TBL3: variants seen among roughly 807,000 people sequenced by gnomAD.
TBL3 encodes transducin beta like 3.
Under a neutral mutation model 102.7 loss-of-function variants are expected in TBL3, and 71 were observed. The observed-to-expected ratio is 0.69, with a 90% CI of 0.57 to 0.84. TBL3 has a LOEUF of 0.84. Ranked by LOEUF, TBL3 falls within the 40% of genes least tolerant of loss-of-function variation. The pLI is 0.00. For synonymous variants in TBL3, 578 were observed against 477.7 expected (o/e 1.21, Z -2.74); for missense variants, 1,188 against 1,098.5 (o/e 1.08, Z -1.15).
chr16:1,979,887 C>T lies in TBL3; in HGVS notation c.*1202C>T, dbSNP rs770928987. On this transcript the variant is annotated 3_prime_UTR_variant, in exon 22 of 22. Coordinates refer to ENST00000568546, the MANE Select transcript of TBL3 (RefSeq NM_006453.3). ...ACCAGGCGGTCTGCCGGTCTTCGTTCTCCACCAGCCACCAGCCTGTGCGCA... is the reference window on the plus strand; with the variant it reads ...ACCAGGCGGTCTGCCGGTCTTCGTTTTCCACCAGCCACCAGCCTGTGCGCA... The T allele has an allele frequency of 3.2e-6, 5 of 1,583,154 alleles. No homozygotes were observed. In the African/African-American group the frequency reaches 4.0e-5, roughly 13 times the overall value.
At chr16:1,977,479 G>A in intron 16 of TBL3, 35 bp from the exon 17 acceptor site, 1 of 1,608,760 alleles carries the variant, frequency 6.2e-7, no homozygotes. Context: ...GGGGGGACCT[G>A]CCTGACGCTG....
chr16:1,976,047 ACAT>A lies in TBL3; in HGVS notation c.1130-7_1130-5del, dbSNP rs2083398974. 1.2e-6 allele frequency: 2 copies of A among 1,613,990 alleles called. No homozygotes were observed. The highest frequency in any genetic ancestry group is 2.7e-5 in the African/African-American group (2 of 74,922). On this transcript the variant is annotated splice_region_variant and splice_polypyrimidine_tract_variant and intron_variant, in intron 11 of 21. Transcript: ENST00000568546. The stretch of plus-strand genomic sequence containing the variant: ...GCTGTGTGACCTATACCTCCCCACA[ACAT>A]CTCAGATATCGTCCTGGCCCTGGAT...
Position 1,980,373 on chromosome 16 carries a change from G to C in TBL3, c.*1688G>C, listed in dbSNP as rs769078332. On this transcript the variant is annotated 3_prime_UTR_variant, in exon 22 of 22. Transcript: ENST00000568546. ...TTTGGGGCGAGTCAGGCACCTGCCG[G>C]GTGGCAGCGCGGGCTCCAGGTCCAG... The C allele has an allele frequency of 1.9e-6, 3 of 1,600,642 alleles. No homozygotes were observed. The highest frequency in any genetic ancestry group is 3.3e-5 in the Admixed American group (2 of 59,784).
In TBL3 at chr16:1,977,366, G is replaced by A. The variant is rs771923182; in HGVS notation, c.1682G>A (p.Gly561Glu). Residue 561 changes from glycine to glutamate, a missense_variant, in exon 16 of 22, where the codon GGG becomes GAG. Coordinates refer to ENST00000568546, the MANE Select transcript of TBL3 (RefSeq NM_006453.3). ...QDFSCLKTFE[G>E]HDASVLKVAF... ...CCCCCCACCTTGCAGACATTTGAGG[G>A]GCACGATGCTTCTGTGCTGAAGGTG... is the stretch of plus-strand genomic sequence containing the variant. 3.7e-6 allele frequency: 6 copies of A among 1,613,464 alleles called. No individual in the cohort carries two copies. The Admixed American group carries it at 6.7e-5, about 18-fold the overall frequency.
intron 14 of TBL3, 23 bp downstream of exon 14, chr16:1,976,984 G>A: frequency 1.2e-6 from 2 of 1,613,572 alleles, no homozygotes; most frequent in Non-Finnish European, 1.7e-6. Flanking sequence ...CCACTGGGGT[G>A]GGGGTGTGGC....
Position 1,979,521 on chromosome 16 carries a change from C to T in TBL3, c.*836C>T, listed in dbSNP as rs201565784. The T allele has an allele frequency of 2.8e-4, 451 of 1,611,240 alleles. 1 individual carries two copies. The highest frequency in any genetic ancestry group is 3.6e-4 in the East Asian group (16 of 44,836). On this transcript the variant is annotated 3_prime_UTR_variant, in exon 22 of 22. Coordinates refer to ENST00000568546, the MANE Select transcript of TBL3 (RefSeq NM_006453.3). Reference sequence around the variant, plus strand: ...ATCTGCGCGGCTGCTCTCGTAGGCGCGGGAAGCACAGAACTGGGGACCTGG... The same window carrying T: ...ATCTGCGCGGCTGCTCTCGTAGGCGTGGGAAGCACAGAACTGGGGACCTGG...
Position 1,979,537 on chromosome 16 carries a change from G to A in TBL3, c.*852G>A, listed in dbSNP as rs199563940. ...TCGTAGGCGCGGGAAGCACAGAACT[G>A]GGGACCTGGTGGGAGTGGGTGTTTG... On this transcript the variant is annotated 3_prime_UTR_variant, in exon 22 of 22. Transcript: ENST00000568546. 1.9e-4 allele frequency: 298 copies of A among 1,609,342 alleles called. No individual in the cohort carries two copies. The highest frequency in any genetic ancestry group is 2.3e-4 in the Non-Finnish European group (274 of 1,177,858).
Position 1,981,543 on chromosome 16 carries a change from G to A in TBL3, c.*2858G>A. 3.1e-6 allele frequency: 1 copy of A among 318,270 alleles called. No individual in the cohort carries two copies. The allele number at this position is 318,270 out of a possible 1,614,324, so 19.7% of individuals were successfully genotyped here. A position where few individuals can be genotyped will look rare whatever the true frequency, so the allele number is the denominator to read the frequency against. On this transcript the variant is annotated 3_prime_UTR_variant, in exon 22 of 22. Coordinates refer to ENST00000568546, the MANE Select transcript of TBL3 (RefSeq NM_006453.3). ...CTGCCTCTGGCCACAGGAGGAGGGA[G>A]GAGAAGGCAGGGCTAATCAAAGCGC...
rs1426025710 is a variant in TBL3, at chr16:1,982,200, C to A, written c.*3515C>A. ...GCCTCTAAGGCATCCCTCCAGGAAG[C>A]TGCCCTGGCTGCAACAAAGGGCCTT... On this transcript the variant is annotated 3_prime_UTR_variant, in exon 22 of 22. Coordinates refer to ENST00000568546, the MANE Select transcript of TBL3 (RefSeq NM_006453.3). 6.6e-6 allele frequency: 1 copy of A among 152,218 alleles called. No homozygotes were observed. The highest frequency in any genetic ancestry group is 1.5e-5 in the Non-Finnish European group (1 of 68,070). The allele number at this position is 152,218 out of a possible 1,614,324, so 9.4% of individuals were successfully genotyped here.
intron 18 of TBL3, 24 bp from the exon 19 acceptor site, chr16:1,977,933 GT>G: frequency 6.3e-7 from 1 of 1,590,326 alleles, no homozygotes; most frequent in South Asian, 1.1e-5. Context: ...GCGGCCCTCA[GT>G]GGCCTCTCCT....
chr16:1,976,570 G>A (rs576941884), intron 13 of TBL3, among the ~76,000 whole-genome samples: 1 of 152,344 alleles, frequency 6.6e-6, no homozygotes, highest in South Asian at 2.1e-4. Flanking sequence ...AGGCCCAGGT[G>A]GAGAGGTGAC....
chr16:1,979,828 C>A lies in TBL3; in HGVS notation c.*1143C>A. 1 of 1,570,470 alleles carries A rather than the reference C, an allele frequency of 6.4e-7. No individual in the cohort carries two copies. Among genetic ancestry groups the A allele is most frequent in the East Asian group, 2.4e-5 (1 of 42,196 alleles). ...GGACGGGCCTCCCTCCCGGCCTTGG[C>A]CCGGGGCCGCCTCCTCCAGGTAGGG... On this transcript the variant is annotated 3_prime_UTR_variant, in exon 22 of 22. Transcript: ENST00000568546.
Position 1,981,561 on chromosome 16 carries a change from C to A in TBL3, c.*2876C>A, listed in dbSNP as rs2083511093. Reference sequence around the variant, plus strand: ...GGAGGGAGGAGAAGGCAGGGCTAATCAAAGCGCCACCTGTCCTGCCCACCT... The same window carrying A: ...GGAGGGAGGAGAAGGCAGGGCTAATAAAAGCGCCACCTGTCCTGCCCACCT... On this transcript the variant is annotated 3_prime_UTR_variant, in exon 22 of 22. Transcript: ENST00000568546. 3.6e-6 allele frequency: 1 copy of A among 278,634 alleles called. No individual in the cohort carries two copies. Among genetic ancestry groups the A allele is most frequent in the South Asian group, 5.3e-5 (1 of 19,044 alleles). The allele number at this position is 278,634 out of a possible 1,614,324, so 17.3% of individuals were successfully genotyped here.
chr16:1,972,334 G>A (rs541387650), intron 1 of TBL3, 129 bp downstream of exon 1: 2 of 1,044,748 alleles, frequency 1.9e-6, no homozygotes, highest in South Asian at 3.0e-5. Context: ...CCGGCCCGCG[G>A]GGTCGCGGAG....
rs1197101193 is a variant in TBL3 at position 1,978,840 on chromosome 16, C to T, written c.*155C>T. The T allele has an allele frequency of 1.7e-6, 2 of 1,183,814 alleles. No homozygotes were observed. The highest frequency in any genetic ancestry group is 2.4e-6 in the Non-Finnish European group (2 of 849,472). 73.3% of individuals were successfully genotyped at this position (1,183,814 alleles called of 1,614,324 possible). ...AGAAGGGCACTGGAGCTGATGGTCT[C>T]GGCCCTGCCACGCCCATCCCGCACC... On this transcript the variant is annotated 3_prime_UTR_variant, in exon 22 of 22. Transcript: ENST00000568546.
In TBL3 at chr16:1,976,103, A is replaced by G; in HGVS notation, c.1177A>G (p.Ser393Gly). The G allele has an allele frequency of 6.2e-7, 1 of 1,614,144 alleles. No homozygotes were observed. The highest frequency in any genetic ancestry group is 8.5e-7 in the Non-Finnish European group (1 of 1,180,030). ...DVFRKGWLFA[S>G]CAKDQSVRIW... is the part of the protein sequence containing the mutation. Reference sequence around the variant, plus strand: ...GTTCCGGAAGGGGTGGCTCTTTGCCAGCTGTGCCAAGGTGAGGCACCCTGA... The same window carrying G: ...GTTCCGGAAGGGGTGGCTCTTTGCCGGCTGTGCCAAGGTGAGGCACCCTGA... The change falls in exon 12 of 22, where the codon AGC (serine) becomes GGC (glycine). Residue 393 changes from serine to glycine, a missense_variant. By Grantham distance (56) the Ser-to-Gly change is moderately conservative. Transcript: ENST00000568546.
In TBL3 at chr16:1,980,057, C is replaced by G. The variant is rs779787770; in HGVS notation, c.*1372C>G. The G allele has an allele frequency of 3.0e-5, 49 of 1,607,316 alleles. No individual in the cohort carries two copies. Among genetic ancestry groups the G allele is most frequent in the Non-Finnish European group, 4.1e-5 (48 of 1,178,334 alleles). ...TGGGCCTGCGCCTGAAAAGGCCTAT[C>G]CCGCGTGTCCTGGGTACAGAAGGGC... On this transcript the variant is annotated 3_prime_UTR_variant, in exon 22 of 22. Coordinates refer to ENST00000568546, the MANE Select transcript of TBL3 (RefSeq NM_006453.3).
At position 1,981,925 on chromosome 16, in the gene TBL3, G is replaced by GGGT. The variant is rs1408892573; in HGVS notation, c.*3247_*3249dup. The stretch of plus-strand genomic sequence containing the variant: ...GCAGTCACTGGCATTTGGTGGGTGG[G>GGGT]GGTGGTGGTCAGGGAAGTGGTCACT... On this transcript the variant is annotated 3_prime_UTR_variant, in exon 22 of 22. Coordinates refer to ENST00000568546, the MANE Select transcript of TBL3 (RefSeq NM_006453.3). 1 of 152,202 alleles carries GGGT rather than the reference G, an allele frequency of 6.6e-6. No individual in the cohort carries two copies. The highest frequency in any genetic ancestry group is 1.5e-5 in the Non-Finnish European group (1 of 68,072). The allele number at this position is 152,202 out of a possible 1,614,324, so 9.4% of individuals were successfully genotyped here.
At chr16:1,973,749 C>T (rs974437569) in intron 1 of TBL3, among the ~76,000 whole-genome samples, 9 of 152,162 alleles carry the variant, frequency 5.9e-5, no homozygotes, top group African/African-American at 1.2e-4. Context: ...TCCCAAGGAG[C>T]CCCCTGGCTC....
Sources: allele counts gnomAD v4.1 joint callset (sites outside exome capture counted in the v4.1 genomes callset), GRCh38; gene constraint gnomAD v4.1.1; transcripts MANE v1.5; gene names NCBI Gene and HGNC (gene_info 2026-07-23, HGNC 2026-07-21).